The following SUGCT variants were observed in gnomAD, a reference collection of about 807,000 sequenced individuals.
The protein encoded by SUGCT is succinyl-CoA:glutarate-CoA transferase.
In SUGCT, 41 loss-of-function variants were observed where a neutral mutation model predicts 55.0. That is an observed-to-expected ratio of 0.74 (90% confidence interval 0.58 to 0.97). SUGCT has a LOEUF of 0.97. SUGCT is among the 50% of genes least tolerant of loss of function. The probability of loss-of-function intolerance (pLI) is 0.00; values close to 1 mark genes in which losing one functional copy is unlikely to be tolerated. For synonymous variants in SUGCT, 187 were observed against 200.4 expected, an observed-to-expected ratio of 0.93 and a Z score of 0.56; for missense variants, 568 against 547.8, an observed-to-expected ratio of 1.04 and a Z score of -0.37.
rs766599492 is a variant in SUGCT, at chr7:40,763,674, T to G, written c.1153+14177T>G. On this transcript the variant is annotated intron_variant, in intron 13 of 13. Coordinates refer to ENST00000335693, the MANE Select transcript of SUGCT (RefSeq NM_001193313.2). ...TGGCCAGGCTAGAAGGAAGGGCGGT[T>G]GGCTCCAGCTCACCGGGCATTCATA... 3.4e-4 allele frequency among the ~76,000 whole-genome samples: 52 copies of G among 152,262 alleles called. 1 individual carries two copies. Among genetic ancestry groups the G allele is most frequent in the Non-Finnish European group, 4.9e-4 (33 of 68,020 alleles).
intron 12 of SUGCT, among the ~76,000 whole-genome samples, chr7:40,715,495 A>T (rs919882191): frequency 1.3e-5 from 2 of 152,104 alleles, no homozygotes; most frequent in African/African-American, 4.8e-5. Flanking sequence ...TTTCCATAAA[A>T]CAAACAAACA....
the SUGCT span, among the ~76,000 whole-genome samples, chr7:41,008,127 C>T: frequency 6.6e-6 from 1 of 152,150 alleles, no homozygotes; most frequent in Admixed American, 6.5e-5. Context: ...TTCTGGGGAG[C>T]CTGAAGGAGG....
intron 9 of SUGCT, among the ~76,000 whole-genome samples, chr7:40,446,098 T>G (rs1788818331): frequency 6.6e-6 from 1 of 152,150 alleles, no homozygotes; most frequent in Non-Finnish European, 1.5e-5. Context: ...AACCTCTGCA[T>G]GTTCAGCTAT....
intron 12 of SUGCT, among the ~76,000 whole-genome samples, chr7:40,553,632 T>C (rs556257007): frequency 2.0e-5 from 3 of 152,332 alleles, no homozygotes; most frequent in East Asian, 1.9e-4. Context: ...CATTAACTGA[T>C]AGTAAAAAGC....
rs567745097 is a variant in SUGCT, at chr7:40,588,599, TATTA to T, written c.1089+92220_1089+92223del. On this transcript the variant is annotated intron_variant, in intron 12 of 13. Transcript: ENST00000335693. The stretch of plus-strand genomic sequence containing the variant: ...AATCTTAATAAAGAACTATAAACAA[TATTA>T]ATTAATGATTATGATTTAAGCATTT... Among the ~76,000 whole-genome samples, 15 of 152,308 alleles carry T rather than the reference TATTA, an allele frequency of 9.8e-5. No individual in the cohort carries two copies. The East Asian group carries it at 2.3e-3, about 24-fold the overall frequency.
At chr7:40,518,276 G>A (rs1284480806) in intron 12 of SUGCT, among the ~76,000 whole-genome samples, 1 of 152,270 alleles carries the variant, frequency 6.6e-6, no homozygotes, top group South Asian at 2.1e-4. Context: ...ACCAGAGCCT[G>A]TAAGGCCAAG....
the SUGCT span, among the ~76,000 whole-genome samples, chr7:40,909,333 GGTCCAAACA>G: frequency 8.9e-4 from 135 of 152,278 alleles, no homozygotes; most frequent in Middle Eastern, 0.024. Context: ...GAGTGCGACT[GGTCCAAACA>G]GTGCGTGCCT....
At chr7:40,616,537 C>T (rs760169446) in intron 12 of SUGCT, among the ~76,000 whole-genome samples, 2 of 152,206 alleles carry the variant, frequency 1.3e-5, no homozygotes, top group Non-Finnish European at 2.9e-5. Flanking sequence ...AAGTGGTTTG[C>T]CCAGGATCCA....
At chr7:40,712,066 A>G (rs529496632) in intron 12 of SUGCT, among the ~76,000 whole-genome samples, 6 of 152,378 alleles carry the variant, frequency 3.9e-5, no homozygotes, top group African/African-American at 1.4e-4. Context: ...CGGCCCAGCC[A>G]TAACAGCTGG....
chr7:40,961,056 A>G, the SUGCT span, among the ~76,000 whole-genome samples: 1 of 152,226 alleles, frequency 6.6e-6, no homozygotes, highest in Non-Finnish European at 1.5e-5. Flanking sequence ...ACACATACAC[A>G]TGATATTAGA....
At chr7:40,418,036 A>G (rs1439145563) in intron 9 of SUGCT, among the ~76,000 whole-genome samples, 1 of 152,180 alleles carries the variant, frequency 6.6e-6, no homozygotes, top group Non-Finnish European at 1.5e-5. Context: ...CTTCAGACAG[A>G]TGTGTATGGT....
the SUGCT span, among the ~76,000 whole-genome samples, chr7:41,028,871 T>C: frequency 2.0e-5 from 3 of 152,284 alleles, no homozygotes; most frequent in East Asian, 5.8e-4. Flanking sequence ...TCTGCAAAAC[T>C]GGGATATCAA....
At chr7:40,550,622 T>A (rs1795247715) in intron 12 of SUGCT, among the ~76,000 whole-genome samples, 1 of 152,224 alleles carries the variant, frequency 6.6e-6, no homozygotes, top group South Asian at 2.1e-4. Flanking sequence ...CAGAACCATG[T>A]AATCATATGC....
At chr7:40,444,982 C>G (rs998801639) in intron 9 of SUGCT, among the ~76,000 whole-genome samples, 16 of 152,108 alleles carry the variant, frequency 1.1e-4, no homozygotes, top group Non-Finnish European at 1.6e-4. Context: ...TGGAGGTAAT[C>G]ATGTGGTTTT....
chr7:40,724,566 A>G (rs1186756148), intron 12 of SUGCT, among the ~76,000 whole-genome samples: 1 of 151,936 alleles, frequency 6.6e-6, no homozygotes, highest in Non-Finnish European at 1.5e-5. Context: ...CATCTCAAAA[A>G]AAAAAAGCTC....
chr7:40,439,092 A>C (rs555497193), intron 9 of SUGCT, among the ~76,000 whole-genome samples: 1 of 125,482 alleles, frequency 8.0e-6, no homozygotes, highest in Non-Finnish European at 1.6e-5. Context: ...ATATATATAT[A>C]TATATATATA....
intron 8 of SUGCT, among the ~76,000 whole-genome samples, chr7:40,276,538 T>C: frequency 6.6e-6 from 1 of 152,232 alleles, no homozygotes; most frequent in East Asian, 1.9e-4. Flanking sequence ...GTTGAGACTC[T>C]ACTTAAGTCT....
intron 12 of SUGCT, among the ~76,000 whole-genome samples, chr7:40,630,982 G>A (rs1207254716): frequency 6.6e-6 from 1 of 152,128 alleles, no homozygotes; most frequent in African/African-American, 2.4e-5. Flanking sequence ...TTGAGACTCA[G>A]AGTGGCTGTG....
At chr7:40,762,560 G>A (rs990506402) in intron 13 of SUGCT, among the ~76,000 whole-genome samples, 3 of 152,128 alleles carry the variant, frequency 2.0e-5, no homozygotes, top group Non-Finnish European at 4.4e-5. Flanking sequence ...GCCATGATAC[G>A]GAGAAATCAG....
Sources: allele counts gnomAD v4.1 joint callset (sites outside exome capture counted in the v4.1 genomes callset), GRCh38; gene constraint gnomAD v4.1.1; transcripts MANE v1.5; gene names NCBI Gene and HGNC (gene_info 2026-07-23, HGNC 2026-07-21).